The following ANGPT1 variants were observed in gnomAD, a reference collection of about 807,000 sequenced individuals.
ANGPT1 encodes the protein angiopoietin 1.
In ANGPT1, 17 loss-of-function variants were observed where a neutral mutation model predicts 62.2. The observed-to-expected ratio is 0.27, with a 90% CI of 0.19 to 0.41. ANGPT1 has a LOEUF of 0.41. Among genes scored for constraint, ANGPT1 ranks in the 10% least tolerant of loss-of-function variants. The probability of loss-of-function intolerance (pLI) is 1.00; values close to 1 mark genes in which losing one functional copy is unlikely to be tolerated. For synonymous variants in ANGPT1, 199 were observed against 198.9 expected (o/e 1.00, Z 0.00); for missense variants, 478 against 594.9 (o/e 0.80, Z 2.04).
At chr8:107,486,787 T>C (rs1290683281) in intron 1 of ANGPT1, among the ~76,000 whole-genome samples, 2 of 152,132 alleles carry the variant, frequency 1.3e-5, no homozygotes, top group African/African-American at 4.8e-5. Context: ...CACTGGGCTG[T>C]ACTACCGTTA....
At chr8:107,270,847 A>G (rs1371453207) in intron 7 of ANGPT1, among the ~76,000 whole-genome samples, 1 of 152,098 alleles carries the variant, frequency 6.6e-6, no homozygotes, top group Non-Finnish European at 1.5e-5. Flanking sequence ...AATGTTTGAA[A>G]GAAGTTTCCA....
intron 5 of ANGPT1, among the ~76,000 whole-genome samples, chr8:107,299,251 A>T: frequency 6.6e-6 from 1 of 151,134 alleles, no homozygotes; most frequent in East Asian, 1.9e-4. Flanking sequence ...AAAAGGGTGT[A>T]TCCTAGAATT....
Position 107,497,436 on chromosome 8 carries a change from A to G in ANGPT1, c.123T>C (p.Cys41=). ...GTTCTGGAAGAATGAAAGTGTAGGC[A>G]CATTGCCCATGTTGAATCCGGTTAT... is the stretch of plus-strand genomic sequence containing the variant. ...RRYNRIQHGQ[C]AYTFILPEHD... The change falls in exon 1 of 9, where the codon TGT becomes TGC. Residue 41 remains cysteine, a synonymous_variant. Coordinates refer to ENST00000517746, the MANE Select transcript of ANGPT1 (RefSeq NM_001146.5). The G allele has an allele frequency of 1.2e-6, 2 of 1,614,178 alleles. No individual in the cohort carries two copies. Among genetic ancestry groups the G allele is most frequent in the Non-Finnish European group, 1.7e-6 (2 of 1,180,026 alleles).
At chr8:107,282,981 T>G (rs1184915609) in intron 7 of ANGPT1, among the ~76,000 whole-genome samples, 2 of 139,512 alleles carry the variant, frequency 1.4e-5, no homozygotes, top group Non-Finnish European at 3.1e-5. Context: ...CCTCCAAGCC[T>G]GACACACATG....
intron 1 of ANGPT1, among the ~76,000 whole-genome samples, chr8:107,484,453 G>A (rs1812766200): frequency 6.6e-6 from 1 of 152,030 alleles, no homozygotes; most frequent in Non-Finnish European, 1.5e-5. Context: ...CCAGACTGGA[G>A]TGCAGTGCCA....
intron 1 of ANGPT1, among the ~76,000 whole-genome samples, chr8:107,456,040 C>T (rs931835489): frequency 6.6e-6 from 1 of 152,052 alleles, no homozygotes; most frequent in African/African-American, 2.4e-5. Flanking sequence ...TGTATCAGCA[C>T]ATCAGCAGAT....
At position 107,399,320 on chromosome 8, in the gene ANGPT1, C is replaced by A. The variant is rs1434280081; in HGVS notation, c.298-52223G>T. On this transcript the variant is annotated intron_variant, in intron 1 of 8. Coordinates refer to ENST00000517746, the MANE Select transcript of ANGPT1 (RefSeq NM_001146.5). ...CTGTGATAGGCTTGGAGATGGTTGG[C>A]ATTTTAAAGAAACTTTCTCTGAAAA... Among the ~76,000 whole-genome samples the A allele has an allele frequency of 2.0e-5, 3 of 152,238 alleles. No individual in the cohort carries two copies. In the East Asian group the frequency reaches 5.8e-4, roughly 29 times the overall value.
chr8:107,379,683 G>A (rs988448117), intron 1 of ANGPT1, among the ~76,000 whole-genome samples: 1 of 152,000 alleles, frequency 6.6e-6, no homozygotes, highest in Admixed American at 6.6e-5. Flanking sequence ...TCCAATTATT[G>A]CCTTATTTTG....
intron 7 of ANGPT1, among the ~76,000 whole-genome samples, chr8:107,269,783 TGGC>T (rs1813696949): frequency 1.3e-5 from 2 of 152,012 alleles, no homozygotes; most frequent in Admixed American, 1.3e-4. Context: ...CATAGAATTA[TGGC>T]ATTTATTCTC....
intron 1 of ANGPT1, among the ~76,000 whole-genome samples, chr8:107,426,598 T>C (rs920216569): frequency 6.6e-6 from 1 of 152,214 alleles, no homozygotes; most frequent in African/African-American, 2.4e-5. Context: ...TTCCTCCTTG[T>C]ATTCACTTTC....
At chr8:107,322,402 T>C (rs1466614298) in intron 3 of ANGPT1, among the ~76,000 whole-genome samples, 1 of 152,134 alleles carries the variant, frequency 6.6e-6, no homozygotes, top group African/African-American at 2.4e-5. Context: ...GTATCTTATA[T>C]CCAAGGTAGC....
intron 1 of ANGPT1, among the ~76,000 whole-genome samples, chr8:107,413,361 C>G (rs1181180368): frequency 6.6e-6 from 1 of 152,060 alleles, no homozygotes; most frequent in African/African-American, 2.4e-5. Flanking sequence ...CTCGAATCTT[C>G]TGTAGCTATT....
chr8:107,290,432 G>A (rs954088241), intron 6 of ANGPT1, among the ~76,000 whole-genome samples: 2 of 152,152 alleles, frequency 1.3e-5, no homozygotes, highest in African/African-American at 2.4e-5. Flanking sequence ...ACCCTTAGCT[G>A]AAGAAGTGAG....
intron 1 of ANGPT1, among the ~76,000 whole-genome samples, chr8:107,357,825 C>T (rs1479725732): frequency 6.6e-6 from 1 of 152,156 alleles, no homozygotes; most frequent in Non-Finnish European, 1.5e-5. Flanking sequence ...AGAAAATTGT[C>T]ATCATTTTAC....
chr8:107,289,507 G>A lies in ANGPT1; in HGVS notation c.1038+4429C>T, dbSNP rs963413039. Among the ~76,000 whole-genome samples the A allele has an allele frequency of 5.9e-5, 9 of 152,178 alleles. 1 individual carries two copies. The highest frequency in any genetic ancestry group is 1.9e-4 in the East Asian group (1 of 5,180). On this transcript the variant is annotated intron_variant, in intron 6 of 8. Transcript: ENST00000517746. Reference sequence around the variant, plus strand: ...AAAAATAAAAAACAGATAAGACAGCGCTGTGGCTTTCAGGGCACTTTCATA... The same window carrying A: ...AAAAATAAAAAACAGATAAGACAGCACTGTGGCTTTCAGGGCACTTTCATA...
At position 107,249,901 on chromosome 8, in the gene ANGPT1, G is replaced by C. The variant is rs1813211128; in HGVS notation, c.*1954C>G. Reference sequence around the variant, plus strand: ...ATTTTCTTTCCCTTAAATGAAAACAGTTGAGAAGTTTTTAGAAGGAGAGGC... The same window carrying C: ...ATTTTCTTTCCCTTAAATGAAAACACTTGAGAAGTTTTTAGAAGGAGAGGC... On this transcript the variant is annotated 3_prime_UTR_variant, in exon 9 of 9. Transcript: ENST00000517746. 1 of 152,396 alleles carries C rather than the reference G, an allele frequency of 6.6e-6. No individual in the cohort carries two copies. Among genetic ancestry groups the C allele is most frequent in the African/African-American group, 2.4e-5 (1 of 41,380 alleles). 9.4% of individuals were successfully genotyped at this position (152,396 alleles called of 1,614,324 possible). A position where few individuals can be genotyped will look rare whatever the true frequency, so the allele number is the denominator to read the frequency against.
In ANGPT1 at chr8:107,388,179, A is replaced by G. The variant is rs1240082845; in HGVS notation, c.298-41082T>C. On this transcript the variant is annotated intron_variant, in intron 1 of 8. Transcript: ENST00000517746. ...CAAACGGTGGTCTCAACAGCTTTGG[A>G]TAAAGTTCCTGAAACAAAATATTAT... 6.6e-5 allele frequency among the ~76,000 whole-genome samples: 10 copies of G among 152,286 alleles called. No homozygotes were observed. In the East Asian group the frequency reaches 1.4e-3, roughly 21 times the overall value.
At chr8:107,280,325 C>A (rs540756833) in intron 7 of ANGPT1, among the ~76,000 whole-genome samples, 2 of 151,972 alleles carry the variant, frequency 1.3e-5, no homozygotes, top group Non-Finnish European at 2.9e-5. Flanking sequence ...CTCAGCGTCC[C>A]GAGCAGCTGG....
At chr8:107,445,163 C>T (rs909645248) in intron 1 of ANGPT1, among the ~76,000 whole-genome samples, 3 of 152,264 alleles carry the variant, frequency 2.0e-5, no homozygotes, top group South Asian at 4.1e-4. Flanking sequence ...AGAATCTTTT[C>T]TATTGGAGGC....
Sources: gnomAD v4.1 joint callset for allele counts (sites outside exome capture counted in the v4.1 genomes callset) on GRCh38, gnomAD v4.1.1 for gene constraint, MANE v1.5 for transcripts, NCBI Gene and HGNC (gene_info 2026-07-23, HGNC 2026-07-21) for gene names.